The following RBMS3 variants were observed in gnomAD, a reference collection of about 807,000 sequenced individuals.
RBMS3 encodes the protein RNA binding motif single stranded interacting protein 3, also known as RNA-binding motif, single-stranded-interacting protein 3.
A neutral mutation model predicts 66.8 loss-of-function variants in RBMS3; 27 were observed. The observed-to-expected ratio is 0.40, with a 90% CI of 0.30 to 0.56. RBMS3 has a LOEUF of 0.56. Ranked by LOEUF, RBMS3 falls within the 20% of genes least tolerant of loss-of-function variation. The probability of loss-of-function intolerance (pLI) is 0.40; values close to 1 mark genes in which losing one functional copy is unlikely to be tolerated. For missense variants in RBMS3, 513 were observed against 549.5 expected (o/e 0.93, Z 0.66); for synonymous variants, 188 against 183.0 (o/e 1.03, Z -0.22).
At chr3:29,643,595 T>C (rs1270467138) in intron 4 of RBMS3, among the ~76,000 whole-genome samples, 1 of 151,954 alleles carries the variant, frequency 6.6e-6, no homozygotes, top group Non-Finnish European at 1.5e-5. Context: ...AGGGACAAAT[T>C]AAGGAGCGTA....
intron 4 of RBMS3, among the ~76,000 whole-genome samples, chr3:29,604,631 G>T (rs1358202586): frequency 2.0e-5 from 3 of 151,986 alleles, no homozygotes; most frequent in Non-Finnish European, 4.4e-5. Flanking sequence ...TACAGTACCT[G>T]CAAATGAGCT....
intron 6 of RBMS3, among the ~76,000 whole-genome samples, chr3:29,820,945 T>C (rs997438490): frequency 2.0e-5 from 3 of 152,166 alleles, no homozygotes; most frequent in Non-Finnish European, 4.4e-5. Flanking sequence ...CTTGCTCCAG[T>C]TTCCCTCCTG....
chr3:29,544,655 C>A (rs893565737), intron 3 of RBMS3, among the ~76,000 whole-genome samples: 3 of 149,918 alleles, frequency 2.0e-5, no homozygotes, highest in Admixed American at 6.6e-5. Flanking sequence ...GAGTCCCACT[C>A]GAGAATATCC....
intron 6 of RBMS3, among the ~76,000 whole-genome samples, chr3:29,781,174 T>G (rs1234391574): frequency 6.8e-6 from 1 of 147,302 alleles, no homozygotes; most frequent in Non-Finnish European, 1.5e-5. Context: ...TCTTATAATC[T>G]CCCTTTCGCT....
At chr3:29,299,716 G>T (rs1215532385) in intron 1 of RBMS3, among the ~76,000 whole-genome samples, 1 of 151,764 alleles carries the variant, frequency 6.6e-6, no homozygotes, top group Non-Finnish European at 1.5e-5. Context: ...TATATGGGAG[G>T]ATATGCATAA....
chr3:29,344,001 C>T (rs189412872), intron 1 of RBMS3, among the ~76,000 whole-genome samples: 2 of 152,326 alleles, frequency 1.3e-5, no homozygotes, highest in Admixed American at 6.5e-5. Context: ...AAGTACTTGC[C>T]TAAGGGCATA....
At chr3:29,312,863 A>G (rs1254023022) in intron 1 of RBMS3, among the ~76,000 whole-genome samples, 2 of 151,572 alleles carry the variant, frequency 1.3e-5, no homozygotes, top group Admixed American at 6.6e-5. Context: ...TTTGCCTTTG[A>G]TCTGCTCTGC....
At chr3:29,777,581 T>C (rs563969781) in intron 6 of RBMS3, among the ~76,000 whole-genome samples, 42 of 152,032 alleles carry the variant, frequency 2.8e-4, no homozygotes, top group Non-Finnish European at 5.5e-4. Context: ...AAACCTTCTT[T>C]CAAATGGAAG....
intron 6 of RBMS3, among the ~76,000 whole-genome samples, chr3:29,819,048 C>T (rs932487950): frequency 3.9e-5 from 6 of 152,130 alleles, no homozygotes; most frequent in African/African-American, 9.7e-5. Context: ...CCATTGCCAC[C>T]CAACAAGATA....
chr3:29,886,497 A>G (rs546052505), intron 8 of RBMS3, among the ~76,000 whole-genome samples: 1 of 151,982 alleles, frequency 6.6e-6, no homozygotes, highest in Admixed American at 6.6e-5. Context: ...GACTTAGTTT[A>G]TCAAGGATAG....
chr3:29,536,547 T>A (rs946096866), intron 3 of RBMS3, among the ~76,000 whole-genome samples: 1 of 152,204 alleles, frequency 6.6e-6, no homozygotes, highest in Non-Finnish European at 1.5e-5. Context: ...ACAATCTCTC[T>A]TCTATTTCTC....
chr3:29,345,478 T>A (rs1002250448), intron 1 of RBMS3, among the ~76,000 whole-genome samples: 3 of 152,178 alleles, frequency 2.0e-5, no homozygotes, highest in Non-Finnish European at 4.4e-5. Flanking sequence ...TCCTCTCAGC[T>A]ATACTTTACC....
chr3:29,577,985 G>C (rs1157769383), intron 3 of RBMS3, among the ~76,000 whole-genome samples: 1 of 152,136 alleles, frequency 6.6e-6, no homozygotes, highest in East Asian at 1.9e-4. Flanking sequence ...TTTCTATTCT[G>C]CCATTTTGTT....
chr3:29,683,095 A>C (rs1420917477), intron 4 of RBMS3, among the ~76,000 whole-genome samples: 1 of 152,138 alleles, frequency 6.6e-6, no homozygotes, highest in Non-Finnish European at 1.5e-5. Context: ...GTGAAAAATC[A>C]AGCTTTGCTT....
intron 1 of RBMS3, among the ~76,000 whole-genome samples, chr3:29,381,720 G>A (rs1248173827): frequency 6.6e-6 from 1 of 152,184 alleles, no homozygotes; most frequent in African/African-American, 2.4e-5. Flanking sequence ...TAACTAGAGA[G>A]GTTTATTTTG....
chr3:29,354,235 C>G (rs1367678368), intron 1 of RBMS3, among the ~76,000 whole-genome samples: 2 of 152,118 alleles, frequency 1.3e-5, no homozygotes, highest in Non-Finnish European at 2.9e-5. Context: ...ATTTGCTACT[C>G]TATCTCATTC....
At chr3:29,557,496 G>C (rs2046404793) in intron 3 of RBMS3, among the ~76,000 whole-genome samples, 1 of 152,188 alleles carries the variant, frequency 6.6e-6, no homozygotes, top group Non-Finnish European at 1.5e-5. Flanking sequence ...GATAGAAAAG[G>C]AGACTTAGTA....
intron 3 of RBMS3, among the ~76,000 whole-genome samples, chr3:29,547,002 G>A (rs997902627): frequency 2.0e-5 from 3 of 152,030 alleles, no homozygotes; most frequent in Middle Eastern, 3.4e-3. Context: ...TTAGAGACAG[G>A]GTCCCACTGG....
chr3:29,879,473 T>G (rs2059687590), intron 7 of RBMS3, among the ~76,000 whole-genome samples: 2 of 152,164 alleles, frequency 1.3e-5, no homozygotes, highest in Non-Finnish European at 2.9e-5. Context: ...AAAACAATAT[T>G]ATATTTGTGT....
Sources: allele counts gnomAD v4.1 joint callset (sites outside exome capture counted in the v4.1 genomes callset), GRCh38; gene constraint gnomAD v4.1.1; transcripts MANE v1.5; gene names NCBI Gene and HGNC (gene_info 2026-07-23, HGNC 2026-07-21).